The following ZNF567 variants were observed in gnomAD, a reference collection of about 807,000 sequenced individuals.
The protein encoded by ZNF567 is zinc finger protein 567.
A neutral mutation model predicts 53.9 loss-of-function variants in ZNF567; 36 were observed. That is an observed-to-expected ratio of 0.67 (90% CI 0.51 to 0.88). ZNF567 has a LOEUF of 0.88. Among genes scored for constraint, ZNF567 ranks in the 40% least tolerant of loss-of-function variants. The pLI, the probability that ZNF567 is intolerant of heterozygous loss-of-function variation, is 0.00. For missense variants in ZNF567, 619 were observed against 764.7 expected, an observed-to-expected ratio of 0.81 and a Z score of 2.25; for synonymous variants, 224 against 260.4, an observed-to-expected ratio of 0.86 and a Z score of 1.35.
chr19:36,695,701 A>G (rs1224838258), intron 3 of ZNF567, among the ~76,000 whole-genome samples: 1 of 151,908 alleles, frequency 6.6e-6, no homozygotes, highest in Non-Finnish European at 1.5e-5. Context: ...TTTATTAAAA[A>G]AAAAAAAAAT....
At chr19:36,707,226 C>CTT (rs1038818969) in intron 3 of ZNF567, among the ~76,000 whole-genome samples, 1 of 151,662 alleles carries the variant, frequency 6.6e-6, no homozygotes, top group African/African-American at 2.4e-5. Flanking sequence ...AGAAGTACTT[C>CTT]TTTATTTTCT....
intron 3 of ZNF567, among the ~76,000 whole-genome samples, chr19:36,696,655 C>T (rs924446058): frequency 1.3e-5 from 2 of 152,190 alleles, no homozygotes; most frequent in African/African-American, 4.8e-5. Flanking sequence ...CTCCATCCTC[C>T]ACTGATACCA....
At chr19:36,676,753 C>T in the ZNF567 span, among the ~76,000 whole-genome samples, 13 of 152,098 alleles carry the variant, frequency 8.5e-5, no homozygotes, top group Non-Finnish European at 1.6e-4. Context: ...TTCGGTGGCT[C>T]GCGCTTGTAA....
At chr19:36,726,829 T>G (rs1287862174), downstream of ZNF567, among the ~76,000 whole-genome samples, 1 of 152,112 alleles carries the variant, frequency 6.6e-6, no homozygotes, top group Non-Finnish European at 1.5e-5. Flanking sequence ...CCTGGCTCCC[T>G]TCACAGTCTT....
chr19:36,667,731 G>A, the ZNF567 span, among the ~76,000 whole-genome samples: 1 of 146,488 alleles, frequency 6.8e-6, no homozygotes, highest in Non-Finnish European at 1.5e-5. Context: ...CTCACTGCAA[G>A]CTCCGCCTCC....
the ZNF567 span, among the ~76,000 whole-genome samples, chr19:36,680,982 G>C: frequency 6.6e-6 from 1 of 152,194 alleles, no homozygotes; most frequent in African/African-American, 2.4e-5. Context: ...TCCAAATTAA[G>C]TAACATTCAC....
At chr19:36,667,465 GCACTC>G in the ZNF567 span, among the ~76,000 whole-genome samples, 1 of 151,880 alleles carries the variant, frequency 6.6e-6, no homozygotes, top group African/African-American at 2.4e-5. Flanking sequence ...TCGCGCCATT[GCACTC>G]CAGCCTGGGC....
intron 5 of ZNF567, among the ~76,000 whole-genome samples, chr19:36,718,084 C>G (rs2145902819): frequency 1.3e-5 from 2 of 152,254 alleles, no homozygotes; most frequent in East Asian, 3.9e-4. Flanking sequence ...AGAGCATAGA[C>G]TGTAGAAAAT....
chr19:36,688,032 T>C (rs570726704), intron 1 of ZNF567, among the ~76,000 whole-genome samples: 2 of 152,230 alleles, frequency 1.3e-5, no homozygotes, highest in African/African-American at 4.8e-5. Context: ...CTGTGTGACG[T>C]TGTGGAACCG....
At chr19:36,677,181 T>C in the ZNF567 span, among the ~76,000 whole-genome samples, 40,308 of 119,626 alleles carry the variant, frequency 0.34, 6,379 homozygotes, top group African/African-American at 0.38. Context: ...AAAAAAAGGC[T>C]GGGTGTGGTG....
chr19:36,704,421 TCAAAA>T (rs1356630386), intron 3 of ZNF567, among the ~76,000 whole-genome samples: 13 of 152,074 alleles, frequency 8.5e-5, no homozygotes, highest in Admixed American at 7.9e-4. Flanking sequence ...AAACTCCATC[TCAAAA>T]CAAAACAAAA....
chr19:36,709,496 C>T (rs1344325061), intron 3 of ZNF567, among the ~76,000 whole-genome samples: 1 of 151,136 alleles, frequency 6.6e-6, no homozygotes, highest in Non-Finnish European at 1.5e-5. Context: ...ACCACCCCTT[C>T]CCCTTCCCCC....
chr19:36,682,576 G>GT, the ZNF567 span, among the ~76,000 whole-genome samples: 153 of 143,806 alleles, frequency 1.1e-3, no homozygotes, highest in South Asian at 1.5e-3. Flanking sequence ...GGTTGCATGG[G>GT]TTTTTTTTTT....
rs2040202751 is a variant in ZNF567 at position 36,719,251 on chromosome 19, C to T, written c.527C>T (p.Thr176Ile). Reference sequence around the variant, plus strand: ...TCACTCCTGAGTACTAAACAAGAGACTACTCATCCTGAAGTCAAATCCCAT... The same window carrying T: ...TCACTCCTGAGTACTAAACAAGAGATTACTCATCCTGAAGTCAAATCCCAT... ...GKSLLSTKQE[T>I]THPEVKSHNQ... The change falls in exon 6 of 6, where the codon ACT becomes ATT. Residue 176 changes from threonine to isoleucine, a missense_variant. Physicochemically the swap from Thr to Ile is moderately conservative, Grantham distance 89 (BLOSUM62 -1). Coordinates refer to ENST00000682579, the MANE Select transcript of ZNF567 (RefSeq NM_001322917.1). The T allele has an allele frequency of 6.2e-7, 1 of 1,613,912 alleles. No individual in the cohort carries two copies. Among genetic ancestry groups the T allele is most frequent in the East Asian group, 2.2e-5 (1 of 44,848 alleles).
intron 3 of ZNF567, among the ~76,000 whole-genome samples, chr19:36,695,957 C>T (rs983714847): frequency 6.6e-6 from 1 of 152,138 alleles, no homozygotes; most frequent in African/African-American, 2.4e-5. Flanking sequence ...AGGATGGAAA[C>T]GTGATTGGCA....
At chr19:36,722,533 C>T (rs2040313516), downstream of ZNF567, among the ~76,000 whole-genome samples, 1 of 151,980 alleles carries the variant, frequency 6.6e-6, no homozygotes, top group Non-Finnish European at 1.5e-5. Context: ...AACTCCTGAC[C>T]TCGTGATCCA....
At chr19:36,723,035 G>A (rs921603287), downstream of ZNF567, among the ~76,000 whole-genome samples, 16 of 152,006 alleles carry the variant, frequency 1.1e-4, no homozygotes, top group East Asian at 1.7e-3. Context: ...ACTAAAACAG[G>A]TAATTATAGG....
At chr19:36,679,426 G>A in the ZNF567 span, among the ~76,000 whole-genome samples, 3 of 152,158 alleles carry the variant, frequency 2.0e-5, no homozygotes, top group African/African-American at 7.2e-5. Context: ...CAGCCATTTT[G>A]GGAAACAGTG....
the ZNF567 span, among the ~76,000 whole-genome samples, chr19:36,673,935 CT>C: frequency 1.3e-5 from 2 of 152,138 alleles, no homozygotes; most frequent in Admixed American, 1.3e-4. Flanking sequence ...AGTCCTCAGT[CT>C]TTAACTATTA....
Sources: allele counts gnomAD v4.1 joint callset (sites outside exome capture counted in the v4.1 genomes callset), GRCh38; gene constraint gnomAD v4.1.1; transcripts MANE v1.5; gene names NCBI Gene and HGNC (gene_info 2026-07-23, HGNC 2026-07-21).